Variants in GABPA observed in about 807,000 individuals in gnomAD.
GABPA encodes the protein GA-binding protein alpha chain.
GABPA carries 4 observed loss-of-function variants against 59.4 expected under a neutral mutation model. That is an observed-to-expected ratio of 0.07 (90% confidence interval 0.03 to 0.15). GABPA has a LOEUF of 0.15. GABPA is among the 10% of genes least tolerant of loss of function. The pLI is 1.00. For missense variants in GABPA, 251 were observed against 543.8 expected, an observed-to-expected ratio of 0.46 and a Z score of 5.36; for synonymous variants, 164 against 183.1, an observed-to-expected ratio of 0.90 and a Z score of 0.84.
chr21:25,743,354 G>A (rs1165642992), intron 2 of GABPA, among the ~76,000 whole-genome samples: 2 of 152,162 alleles, frequency 1.3e-5, no homozygotes, highest in East Asian at 1.9e-4. Context: ...ATGAATTTAA[G>A]AATCATTGGC....
At chr21:25,762,399 A>T in intron 7 of GABPA, 34 bp downstream of exon 7, 2 of 1,428,446 alleles carry the variant, frequency 1.4e-6, no homozygotes, top group Non-Finnish European at 1.9e-6. Flanking sequence ...CCCTTTTATT[A>T]ATAAGAAATG....
intron 5 of GABPA, among the ~76,000 whole-genome samples, chr21:25,754,452 CT>C (rs2035585368): frequency 6.6e-6 from 1 of 151,986 alleles, no homozygotes; most frequent in Admixed American, 6.6e-5. Flanking sequence ...TTCATCTTAC[CT>C]ATCTGCACTA....
rs761162053 is a variant in GABPA at position 25,769,138 on chromosome 21, A to G, written c.1271A>G (p.Lys424Arg). ...LNRLVTECEQ[K>R]KLAKMQLHGI... ...CGTTTGGTCACAGAATGTGAACAGA[A>G]GAAACTTGCAAAGATGCAGCTCCAT... is the stretch of plus-strand genomic sequence containing the variant. The change falls in exon 10 of 10, where the codon AAG becomes AGG. Residue 424 changes from lysine to arginine, a missense_variant. Transcript: ENST00000400075. The G allele has an allele frequency of 2.5e-5, 41 of 1,611,764 alleles. No individual in the cohort carries two copies. Among genetic ancestry groups the G allele is most frequent in the Non-Finnish European group, 3.1e-5 (37 of 1,178,018 alleles).
chr21:25,742,949 C>T (rs2035262262), intron 2 of GABPA, among the ~76,000 whole-genome samples: 1 of 150,984 alleles, frequency 6.6e-6, no homozygotes, highest in South Asian at 2.1e-4. Context: ...AAAAAAAAAG[C>T]CCAACATTTT....
chr21:25,771,620 GA>G lies in GABPA; in HGVS notation c.*2392del, dbSNP rs1281177552. The G allele has an allele frequency of 1.3e-5, 2 of 151,728 alleles. No individual in the cohort carries two copies. Among genetic ancestry groups the G allele is most frequent in the African/African-American group, 4.8e-5 (2 of 41,318 alleles). The allele number at this position is 151,728 out of a possible 1,614,324, so 9.4% of individuals were successfully genotyped here. A position where few individuals can be genotyped will look rare whatever the true frequency, so the allele number is the denominator to read the frequency against. On this transcript the variant is annotated 3_prime_UTR_variant, in exon 10 of 10. Transcript: ENST00000400075. ...TCTATTAAAATATAACATTGTGAAA[GA>G]AAATAAAATTTATGCTATTCTTTGC...
chr21:25,765,114 T>C (rs941463598), intron 9 of GABPA, among the ~76,000 whole-genome samples: 4 of 152,000 alleles, frequency 2.6e-5, no homozygotes, highest in African/African-American at 9.7e-5. Context: ...AAGCAGAAAC[T>C]GTCCTCTGTT....
At chr21:25,748,824 A>G (rs1173822704) in intron 3 of GABPA, among the ~76,000 whole-genome samples, 1 of 152,228 alleles carries the variant, frequency 6.6e-6, no homozygotes, top group Non-Finnish European at 1.5e-5. Context: ...ATTTGGTGGT[A>G]TGCTGTCCTC....
chr21:25,737,491 G>C (rs1277270740), intron 1 of GABPA, among the ~76,000 whole-genome samples: 1 of 151,966 alleles, frequency 6.6e-6, no homozygotes, highest in African/African-American at 2.4e-5. Flanking sequence ...CTCCAAAAGG[G>C]CATGGGTTTT....
chr21:25,748,090 T>C (rs1274512030), intron 3 of GABPA, among the ~76,000 whole-genome samples: 1 of 152,040 alleles, frequency 6.6e-6, no homozygotes, highest in Non-Finnish European at 1.5e-5. Context: ...TATTTGTGTA[T>C]AGACAGGGTT....
chr21:25,763,318 A>G (rs7280664), intron 7 of GABPA: 47 of 311,126 alleles, frequency 1.5e-4, no homozygotes, highest in African/African-American at 1.0e-3. Context: ...CGCTTATGCC[A>G]TAAGCTTTTA....
chr21:25,761,591 G>A (rs1398049709), intron 6 of GABPA, among the ~76,000 whole-genome samples: 1 of 152,180 alleles, frequency 6.6e-6, no homozygotes. Context: ...AATTTCAAGA[G>A]AGAGGCATGC....
intron 3 of GABPA, among the ~76,000 whole-genome samples, chr21:25,746,681 A>G (rs1390305739): frequency 6.6e-6 from 1 of 152,208 alleles, no homozygotes; most frequent in Non-Finnish European, 1.5e-5. Context: ...TACAAATTTT[A>G]GGATTTAAAG....
chr21:25,749,002 C>T (rs1270450689), intron 3 of GABPA, 34 bp from the exon 4 acceptor site: 1 of 1,359,190 alleles, frequency 7.4e-7, no homozygotes, highest in Admixed American at 1.7e-5. Context: ...AATGATTGCA[C>T]TGAAATAATC....
intron 4 of GABPA, among the ~76,000 whole-genome samples, chr21:25,751,249 G>T (rs534228015): frequency 8.0e-6 from 1 of 125,614 alleles, no homozygotes; most frequent in Non-Finnish European, 1.7e-5. Context: ...ATTTAATTAG[G>T]TATAATCAAA....
intron 2 of GABPA, among the ~76,000 whole-genome samples, chr21:25,743,344 A>G (rs1162868652): frequency 6.6e-6 from 1 of 152,224 alleles, no homozygotes. Context: ...TTAAAAGGGC[A>G]TGAATTTAAG....
intron 3 of GABPA, among the ~76,000 whole-genome samples, chr21:25,746,895 G>T (rs1277886482): frequency 6.6e-6 from 1 of 152,106 alleles, no homozygotes; most frequent in Non-Finnish European, 1.5e-5. Context: ...CACCTCAAAT[G>T]TTCCAAAAAT....
chr21:25,752,356 T>G, intron 5 of GABPA, 122 bp downstream of exon 5: 3 of 1,017,598 alleles, frequency 2.9e-6, no homozygotes, highest in Non-Finnish European at 4.3e-6. Flanking sequence ...GTTGATTTTC[T>G]GTATCTCTCT....
intron 5 of GABPA, among the ~76,000 whole-genome samples, chr21:25,756,379 C>T (rs1448506598): frequency 6.6e-6 from 1 of 152,100 alleles, no homozygotes; most frequent in African/African-American, 2.4e-5. Flanking sequence ...CTTTCCTTTT[C>T]CTTGGCGTCC....
chr21:25,740,652 A>G (rs1033799627), intron 1 of GABPA, among the ~76,000 whole-genome samples: 1 of 152,250 alleles, frequency 6.6e-6, no homozygotes, highest in Non-Finnish European at 1.5e-5. Flanking sequence ...TACATGGGAT[A>G]ATTAAAAACT....
Sources: gnomAD v4.1 joint callset for allele counts (sites outside exome capture counted in the v4.1 genomes callset) on GRCh38, gnomAD v4.1.1 for gene constraint, MANE v1.5 for transcripts, NCBI Gene and HGNC (gene_info 2026-07-23, HGNC 2026-07-21) for gene names.